The following NCOA1 variants were observed in gnomAD, a reference collection of about 807,000 sequenced individuals.
The protein encoded by NCOA1 is nuclear receptor coactivator 1.
NCOA1 carries 35 observed loss-of-function variants against 150.9 expected under a neutral mutation model. That is an observed-to-expected ratio of 0.23 (90% confidence interval 0.18 to 0.31). The LOEUF (loss-of-function observed/expected upper bound fraction) is 0.31. NCOA1 is among the 10% of genes least tolerant of loss of function. The pLI is 1.00. For missense variants in NCOA1, 1,491 were observed against 1,749.3 expected, an observed-to-expected ratio of 0.85 and a Z score of 2.63; for synonymous variants, 590 against 630.0, an observed-to-expected ratio of 0.94 and a Z score of 0.95.
chr2:24,588,365 T>C (rs1667505917), intron 3 of NCOA1, among the ~76,000 whole-genome samples: 1 of 152,230 alleles, frequency 6.6e-6, no homozygotes, highest in Non-Finnish European at 1.5e-5. Context: ...CGTGAGCTAC[T>C]GTTCCTGGAC....
intron 16 of NCOA1, among the ~76,000 whole-genome samples, chr2:24,728,988 A>AGCACACGC (rs1572650552): frequency 6.6e-6 from 1 of 152,210 alleles, no homozygotes; most frequent in Non-Finnish European, 1.5e-5. Flanking sequence ...CACACACACA[A>AGCACACGC]GCACACGCGC....
At chr2:24,505,321 AG>A in intron 1 of NCOA1, among the ~76,000 whole-genome samples, 1 of 151,868 alleles carries the variant, frequency 6.6e-6, no homozygotes. Context: ...CAAGTAGTAC[AG>A]GCATGTGCCA....
intron 5 of NCOA1, among the ~76,000 whole-genome samples, chr2:24,662,773 T>C (rs1671241585): frequency 6.6e-6 from 1 of 151,752 alleles, no homozygotes; most frequent in South Asian, 2.1e-4. Context: ...GACAGGAAGT[T>C]TGGGCCTGTG....
chr2:24,675,801 C>A (rs1220318801), intron 7 of NCOA1, among the ~76,000 whole-genome samples: 1 of 152,170 alleles, frequency 6.6e-6, no homozygotes, highest in Non-Finnish European at 1.5e-5. Flanking sequence ...AGGAGAATCA[C>A]GTGAACCTGT....
intron 1 of NCOA1, among the ~76,000 whole-genome samples, chr2:24,528,094 A>G (rs1572385343): frequency 1.3e-5 from 2 of 152,294 alleles, no homozygotes; most frequent in South Asian, 4.1e-4. Context: ...ATGGTTTGCA[A>G]ATATTTCTTC....
At chr2:24,561,855 A>G (rs1328050610) in intron 1 of NCOA1, among the ~76,000 whole-genome samples, 1 of 152,218 alleles carries the variant, frequency 6.6e-6, no homozygotes, top group South Asian at 2.1e-4. Context: ...TAAATAGATT[A>G]TAGCTCAGAG....
chr2:24,555,869 T>C (rs1260280644), intron 1 of NCOA1: 2 of 152,274 alleles, frequency 1.3e-5, no homozygotes, highest in Admixed American at 6.5e-5. Flanking sequence ...GTTTTAAACA[T>C]TTGATCTCAT....
At chr2:24,740,262 T>C (rs1437933749) in intron 18 of NCOA1, among the ~76,000 whole-genome samples, 1 of 152,190 alleles carries the variant, frequency 6.6e-6, no homozygotes, top group Non-Finnish European at 1.5e-5. Flanking sequence ...AATACAGCCA[T>C]GCATGACTTA....
chr2:24,641,604 A>T (rs979718088), intron 3 of NCOA1, among the ~76,000 whole-genome samples: 1 of 152,026 alleles, frequency 6.6e-6, no homozygotes, highest in Non-Finnish European at 1.5e-5. Flanking sequence ...TTTTTGAAGG[A>T]TATTTTTGCT....
chr2:24,544,355 A>G (rs1419916441), intron 1 of NCOA1, among the ~76,000 whole-genome samples: 3 of 152,160 alleles, frequency 2.0e-5, no homozygotes, highest in Non-Finnish European at 4.4e-5. Context: ...GCATTTGGAA[A>G]GTAAAGTTGT....
chr2:24,759,721 ATGTATAGAGG>A lies in NCOA1; in HGVS notation c.4065+1572_4065+1581del, dbSNP rs1664682162. ...TCTTCAAATGATACTATATCACCTC[ATGTATAGAGG>A]TGTATATTATATCACCTCTATATCA... On this transcript the variant is annotated intron_variant, in intron 21 of 22. Transcript: ENST00000348332. 4.6e-5 allele frequency among the ~76,000 whole-genome samples: 7 copies of A among 152,204 alleles called. No homozygotes were observed. In the South Asian group the frequency reaches 1.5e-3, roughly 32 times the overall value.
At chr2:24,500,297 G>A (rs551157734) in intron 1 of NCOA1, among the ~76,000 whole-genome samples, 2 of 152,050 alleles carry the variant, frequency 1.3e-5, no homozygotes, top group Non-Finnish European at 2.9e-5. Flanking sequence ...TAGTGGAGAC[G>A]GGGTTTCTCC....
chr2:24,523,875 G>A (rs1280723432), intron 1 of NCOA1, among the ~76,000 whole-genome samples: 2 of 126,474 alleles, frequency 1.6e-5, no homozygotes, highest in South Asian at 2.7e-4. Context: ...ACAGTGAGCC[G>A]AGATCGTGCC....
At chr2:24,749,367 G>T (rs1357365512) in intron 19 of NCOA1, among the ~76,000 whole-genome samples, 1 of 152,210 alleles carries the variant, frequency 6.6e-6, no homozygotes, top group African/African-American at 2.4e-5. Context: ...ACAGAGAATT[G>T]TAGGATATGC....
intron 3 of NCOA1, among the ~76,000 whole-genome samples, chr2:24,633,184 G>C (rs960568895): frequency 6.6e-6 from 1 of 151,880 alleles, no homozygotes; most frequent in Non-Finnish European, 1.5e-5. Flanking sequence ...CCAGATATGT[G>C]CATGCAGAAA....
chr2:24,505,439 G>A (rs1388294372), intron 1 of NCOA1, among the ~76,000 whole-genome samples: 7 of 152,036 alleles, frequency 4.6e-5, no homozygotes, highest in South Asian at 2.1e-4. Flanking sequence ...TCGGTCTCCC[G>A]AAGTGCTGGG....
intron 14 of NCOA1, among the ~76,000 whole-genome samples, chr2:24,715,164 T>C (rs1673958009): frequency 1.3e-5 from 2 of 152,050 alleles, no homozygotes; most frequent in African/African-American, 2.4e-5. Flanking sequence ...TTGTTCAAGC[T>C]AAAATAAAAT....
In NCOA1 at chr2:24,691,382, A is replaced by G. The variant is rs1200886466; in HGVS notation, c.533-99A>G. ...GGTCAGTCTGTCTTTTAATCTGAGT[A>G]TCTAATTAAGCAGATGGCTTAAAGT... On this transcript the variant is annotated intron_variant, in intron 8 of 22. Coordinates refer to ENST00000348332, the MANE Select transcript of NCOA1 (RefSeq NM_003743.5). 9.4e-6 allele frequency: 10 copies of G among 1,069,356 alleles called. No homozygotes were observed. The East Asian group carries it at 1.7e-4, about 18-fold the overall frequency. The allele number at this position is 1,069,356 out of a possible 1,614,324, so 66.2% of individuals were successfully genotyped here.
chr2:24,728,616 A>G (rs964124318), intron 16 of NCOA1, 140 bp downstream of exon 16: 4 of 646,216 alleles, frequency 6.2e-6, no homozygotes, highest in South Asian at 3.4e-5. Flanking sequence ...ATCAAAATAT[A>G]TGAGTTTTTT....
Sources: allele counts gnomAD v4.1 joint callset (sites outside exome capture counted in the v4.1 genomes callset), GRCh38; gene constraint gnomAD v4.1.1; transcripts MANE v1.5; gene names NCBI Gene and HGNC (gene_info 2026-07-23, HGNC 2026-07-21).